The following KLHL29 variants were observed in gnomAD, a reference collection of about 807,000 sequenced individuals.
KLHL29 encodes the protein kelch like family member 29.
KLHL29 carries 21 observed loss-of-function variants against 80.4 expected under a neutral mutation model. The observed-to-expected ratio is 0.26, with a 90% confidence interval of 0.19 to 0.38. The LOEUF (loss-of-function observed/expected upper bound fraction) is 0.38, where lower values mean the gene tolerates loss of function less well. Among genes scored for constraint, KLHL29 ranks in the 10% least tolerant of loss-of-function variants. The pLI, the probability that KLHL29 is intolerant of heterozygous loss-of-function variation, is 1.00. For synonymous variants in KLHL29, 511 were observed against 526.8 expected, an observed-to-expected ratio of 0.97 and a Z score of 0.41; for missense variants, 867 against 1,223.9, an observed-to-expected ratio of 0.71 and a Z score of 4.35.
chr2:23,565,538 G>A (rs1372698705), intron 3 of KLHL29, among the ~76,000 whole-genome samples: 2 of 152,188 alleles, frequency 1.3e-5, no homozygotes, highest in African/African-American at 2.4e-5. Flanking sequence ...GCCGTCTAGC[G>A]GGCTCCAGAC....
intron 1 of KLHL29, among the ~76,000 whole-genome samples, chr2:23,393,554 A>C (rs145531094): frequency 6.6e-6 from 1 of 152,196 alleles, no homozygotes; most frequent in Non-Finnish European, 1.5e-5. Context: ...TTTTAAGGAA[A>C]AAATGAAACA....
chr2:23,449,100 A>C (rs565760479), intron 1 of KLHL29, among the ~76,000 whole-genome samples: 4 of 152,100 alleles, frequency 2.6e-5, no homozygotes, highest in Non-Finnish European at 5.9e-5. Flanking sequence ...CCAGCATCTA[A>C]GCTCTGTGAA....
At chr2:23,578,696 T>C (rs959695437) in intron 3 of KLHL29, among the ~76,000 whole-genome samples, 1 of 152,216 alleles carries the variant, frequency 6.6e-6, no homozygotes, top group East Asian at 1.9e-4. Flanking sequence ...AATTATCAAG[T>C]TGAATTGTGG....
chr2:23,507,207 C>A (rs1469611434), intron 2 of KLHL29: 2 of 317,554 alleles, frequency 6.3e-6, no homozygotes, highest in Non-Finnish European at 1.5e-5. Context: ...ACCCACACAC[C>A]TGTAAGCACC....
intron 2 of KLHL29, among the ~76,000 whole-genome samples, chr2:23,505,322 G>A (rs1026924397): frequency 3.3e-5 from 5 of 152,158 alleles, no homozygotes; most frequent in Non-Finnish European, 7.4e-5. Flanking sequence ...CCCGACCTCC[G>A]TGGAGGTGTT....
intron 5 of KLHL29, among the ~76,000 whole-genome samples, chr2:23,670,910 TGCACGCGCTCTCTC>T (rs1670703386): frequency 5.7e-5 from 1 of 17,436 alleles, no homozygotes; most frequent in East Asian, 2.8e-3. Flanking sequence ...TCTACACACA[TGCACGCGCTCTCTC>T]TCTCTCTCTC....
intron 3 of KLHL29, among the ~76,000 whole-genome samples, chr2:23,568,318 A>G (rs1258847973): frequency 6.6e-6 from 1 of 152,224 alleles, no homozygotes; most frequent in Non-Finnish European, 1.5e-5. Context: ...CTGGGGTTTT[A>G]AAGCCATAAC....
intron 3 of KLHL29, among the ~76,000 whole-genome samples, chr2:23,635,823 G>T (rs146857145): frequency 1.3e-5 from 2 of 152,352 alleles, no homozygotes; most frequent in East Asian, 3.9e-4. Flanking sequence ...CTGGGGAACG[G>T]CCAAAGGTCT....
intron 2 of KLHL29, among the ~76,000 whole-genome samples, chr2:23,552,212 C>T (rs2103490128): frequency 6.6e-6 from 1 of 152,294 alleles, no homozygotes; most frequent in Middle Eastern, 3.4e-3. Context: ...CAGCACCTCC[C>T]GTTTAAGTGC....
intron 2 of KLHL29, among the ~76,000 whole-genome samples, chr2:23,513,475 C>G (rs1263154633): frequency 6.6e-6 from 1 of 152,150 alleles, no homozygotes; most frequent in Admixed American, 6.5e-5. Flanking sequence ...GAGAAGGGAC[C>G]GCCGCTTCTG....
chr2:23,539,993 G>T (rs908085608), intron 2 of KLHL29, among the ~76,000 whole-genome samples: 1 of 152,110 alleles, frequency 6.6e-6, no homozygotes, highest in Admixed American at 6.6e-5. Context: ...CAGGGAACAG[G>T]TGTGCCGCCC....
Position 23,457,040 on chromosome 2 carries a change from G to A in KLHL29, c.-153-18520G>A, listed in dbSNP as rs1664074639. Among the ~76,000 whole-genome samples the A allele has an allele frequency of 6.6e-6, 1 of 152,234 alleles. No individual in the cohort carries two copies. Among genetic ancestry groups the A allele is most frequent in the Admixed American group, 6.5e-5 (1 of 15,284 alleles). On this transcript the variant is annotated intron_variant, in intron 1 of 13. Transcript: ENST00000486442. This position sits in a 1 kb window ranked among gnomAD's most constrained non-coding sequence, Gnocchi z 4.3. ...AGGTGTCAGGGCCGGAGCAGCAGAG[G>A]TCGAGGCCTTCCGAGGCCCCTCCCC...
At chr2:23,489,339 G>C (rs997497632) in intron 2 of KLHL29, among the ~76,000 whole-genome samples, 3 of 150,610 alleles carry the variant, frequency 2.0e-5, no homozygotes, top group African/African-American at 4.9e-5. Context: ...TCTTCCCAAA[G>C]GTCTCCAGGG....
intron 1 of KLHL29, among the ~76,000 whole-genome samples, chr2:23,420,228 A>C (rs1252963383): frequency 1.4e-4 from 21 of 152,088 alleles, no homozygotes. Flanking sequence ...GCCATTTCAG[A>C]GCTGTCTACA....
At chr2:23,584,346 G>A (rs920245177) in intron 3 of KLHL29, among the ~76,000 whole-genome samples, 5 of 152,310 alleles carry the variant, frequency 3.3e-5, no homozygotes, top group African/African-American at 7.2e-5. Context: ...GCAGAGCTGC[G>A]TACCCTGCTC....
intron 5 of KLHL29, among the ~76,000 whole-genome samples, chr2:23,663,071 G>A (rs192338892): frequency 1.3e-5 from 2 of 152,128 alleles, no homozygotes; most frequent in Non-Finnish European, 2.9e-5. Context: ...CTCCGAGAGG[G>A]TGGCAGGTGG....
intron 5 of KLHL29, among the ~76,000 whole-genome samples, chr2:23,656,821 A>G (rs1670259099): frequency 6.6e-6 from 1 of 151,738 alleles, no homozygotes; most frequent in Non-Finnish European, 1.5e-5. Context: ...TCCCAGGCTG[A>G]GCATCTTCCA....
At chr2:23,484,721 G>A (rs569439468) in intron 2 of KLHL29, among the ~76,000 whole-genome samples, 17 of 152,086 alleles carry the variant, frequency 1.1e-4, no homozygotes, top group Non-Finnish European at 1.9e-4. Context: ...ATGCATTCGC[G>A]GTGCTCTGCC....
intron 2 of KLHL29, among the ~76,000 whole-genome samples, chr2:23,507,487 A>G (rs941552280): frequency 2.6e-5 from 4 of 152,142 alleles, no homozygotes; most frequent in African/African-American, 9.7e-5. Flanking sequence ...TGACAGTCAC[A>G]AGAGCAACAA....
Sources: allele counts gnomAD v4.1 joint callset (sites outside exome capture counted in the v4.1 genomes callset), GRCh38; gene constraint gnomAD v4.1.1; non-coding constraint Gnocchi (gnomAD v3.1); transcripts MANE v1.5; gene names NCBI Gene and HGNC (gene_info 2026-07-23, HGNC 2026-07-21).